COL7A1: variants seen among roughly 807,000 people sequenced by gnomAD.
COL7A1 encodes the protein collagen type VII alpha 1 chain, also known as collagen alpha-1(VII) chain.
COL7A1 carries 296 observed loss-of-function variants against 456.2 expected under a neutral mutation model. The observed-to-expected ratio is 0.65, with a 90% confidence interval of 0.59 to 0.71. The LOEUF is 0.71. Among genes scored for constraint, COL7A1 ranks in the 30% least tolerant of loss-of-function variants. The pLI is 0.00. For missense variants in COL7A1, 3,441 were observed against 4,017.2 expected (o/e 0.86, Z 3.88); for synonymous variants, 1,464 against 1,525.9 (o/e 0.96, Z 0.95).
chr3:48,585,177 G>T lies in COL7A1; in HGVS notation c.3895-61C>A. Reference sequence around the variant, plus strand: ...CTCCCCCAAGGCCCCTGGTTTGCTGGAGGGGCCTCACCCCATCAACAAGGG... The same window carrying T: ...CTCCCCCAAGGCCCCTGGTTTGCTGTAGGGGCCTCACCCCATCAACAAGGG... On this transcript the variant is annotated intron_variant, in intron 32 of 118. Coordinates refer to ENST00000681320, the MANE Select transcript of COL7A1 (RefSeq NM_000094.4). The surrounding 1 kb of genome is among the most constrained non-coding windows in gnomAD (Gnocchi z 4.5). 1 of 1,546,064 alleles carries T rather than the reference G, an allele frequency of 6.5e-7. No individual in the cohort carries two copies. The highest frequency in any genetic ancestry group is 8.8e-7 in the Non-Finnish European group (1 of 1,130,134).
rs2045294195 is a variant in COL7A1, at chr3:48,586,738, TG to T, written c.3277-50del. On this transcript the variant is annotated intron_variant, in intron 25 of 118. Coordinates refer to ENST00000681320, the MANE Select transcript of COL7A1 (RefSeq NM_000094.4). This position sits in a 1 kb window ranked among gnomAD's most constrained non-coding sequence, Gnocchi z 5.1. ...CCTGAGGAGGATGACAGAGCAGGGA[TG>T]GGGGTGCACAGAGCCTGGAGAAACA... 1 of 1,551,564 alleles carries T rather than the reference TG, an allele frequency of 6.4e-7. No homozygotes were observed. The highest frequency in any genetic ancestry group is 8.7e-7 in the Non-Finnish European group (1 of 1,146,916).
chr3:48,568,240 G>T lies in COL7A1; in HGVS notation c.7795-70C>A. ...GGACCAAAGAGAATCGCCCTGGATA[G>T]TGGGTAGGGAACACCATGGGGTGGG... On this transcript the variant is annotated intron_variant, in intron 105 of 118. Coordinates refer to ENST00000681320, the MANE Select transcript of COL7A1 (RefSeq NM_000094.4). The surrounding 1 kb of genome is among the most constrained non-coding windows in gnomAD (Gnocchi z 5.2). 6.5e-7 allele frequency: 1 copy of T among 1,547,872 alleles called. No homozygotes were observed. The highest frequency in any genetic ancestry group is 8.9e-7 in the Non-Finnish European group (1 of 1,128,770).
chr3:48,567,684 C>T lies in COL7A1; in HGVS notation c.7983+26G>A. The stretch of plus-strand genomic sequence containing the variant: ...TTGGCCCCCGTCCACCCGTGGCCCC[C>T]TCATTCTGAGCGTGCCCACACTCAC... On this transcript the variant is annotated intron_variant, in intron 108 of 118. Coordinates refer to ENST00000681320, the MANE Select transcript of COL7A1 (RefSeq NM_000094.4). This position sits in a 1 kb window ranked among gnomAD's most constrained non-coding sequence, Gnocchi z 4.3. 6.2e-7 allele frequency: 1 copy of T among 1,614,122 alleles called. No homozygotes were observed. Among genetic ancestry groups the T allele is most frequent in the Non-Finnish European group, 8.5e-7 (1 of 1,180,022 alleles).
At position 48,579,044 on chromosome 3, in the gene COL7A1, C is replaced by A. The variant is rs2107695580; in HGVS notation, c.5389-90G>T. Reference sequence around the variant, plus strand: ...CTAAGGCCTGCATGGCAAGAACATGCCCCACCCAGGCAGGGCTCTGGGAGA... The same window carrying A: ...CTAAGGCCTGCATGGCAAGAACATGACCCACCCAGGCAGGGCTCTGGGAGA... On this transcript the variant is annotated intron_variant, in intron 62 of 118. Coordinates refer to ENST00000681320, the MANE Select transcript of COL7A1 (RefSeq NM_000094.4). The surrounding 1 kb of genome is among the most constrained non-coding windows in gnomAD (Gnocchi z 4.4). 2.5e-6 allele frequency: 4 copies of A among 1,579,502 alleles called. No homozygotes were observed. The highest frequency in any genetic ancestry group is 3.5e-6 in the Non-Finnish European group (4 of 1,149,842).
At position 48,586,439 on chromosome 3, in the gene COL7A1, G is replaced by A; in HGVS notation, c.3443C>T (p.Pro1148Leu). Residue 1148 changes from proline (P) to leucine (L), a missense_variant, in exon 27 of 119, where the codon CCA (proline) becomes CTA (leucine). Physicochemically the swap from Pro to Leu is moderately conservative, Grantham distance 98. Coordinates refer to ENST00000681320, the MANE Select transcript of COL7A1 (RefSeq NM_000094.4). This position sits in a 1 kb window ranked among gnomAD's most constrained non-coding sequence, Gnocchi z 5.1. ...GTGCTGGCGGCGCCCAGGAGCATCT[G>A]GTGCCAACATGTATCTGTGAGCTGT... Reference protein sequence around the residue: ...VVTAHRYMLAPDAPGRRQHVP... With the variant: ...VVTAHRYMLALDAPGRRQHVP... 1 of 1,613,840 alleles carries A rather than the reference G, an allele frequency of 6.2e-7. No individual in the cohort carries two copies. Among genetic ancestry groups the A allele is most frequent in the Non-Finnish European group, 8.5e-7 (1 of 1,180,038 alleles).
In COL7A1 at chr3:48,568,254, C is replaced by A; in HGVS notation, c.7795-84G>T. The A allele has an allele frequency of 6.7e-7, 1 of 1,496,964 alleles. No homozygotes were observed. Among genetic ancestry groups the A allele is most frequent in the Non-Finnish European group, 9.2e-7 (1 of 1,084,688 alleles). The allele number at this position is 1,496,964 out of a possible 1,614,324, so 92.7% of individuals were successfully genotyped here. ...CGCCCTGGATAGTGGGTAGGGAACA[C>A]CATGGGGTGGGAGTCACCTCTGGAG... On this transcript the variant is annotated intron_variant, in intron 105 of 118. Coordinates refer to ENST00000681320, the MANE Select transcript of COL7A1 (RefSeq NM_000094.4). The surrounding 1 kb of genome is among the most constrained non-coding windows in gnomAD (Gnocchi z 5.2).
Position 48,578,189 on chromosome 3 carries a change from G to A in COL7A1, c.5532+132C>T. 9.8e-7 allele frequency: 1 copy of A among 1,023,200 alleles called. No homozygotes were observed. Among genetic ancestry groups the A allele is most frequent in the Non-Finnish European group, 1.5e-6 (1 of 676,102 alleles). 63.4% of individuals were successfully genotyped at this position (1,023,200 alleles called of 1,614,324 possible). Reference sequence around the variant, plus strand: ...CAAAAAAAAAAAAACTATGTTTCTGGATGCATCTGTATGTCTGGGCCAGGA... The same window carrying A: ...CAAAAAAAAAAAAACTATGTTTCTGAATGCATCTGTATGTCTGGGCCAGGA... On this transcript the variant is annotated intron_variant, in intron 65 of 118. Transcript: ENST00000681320. The surrounding 1 kb of genome is among the most constrained non-coding windows in gnomAD (Gnocchi z 4.7).
intron 65 of COL7A1, among the ~76,000 whole-genome samples, chr3:48,577,237 C>T (rs149559132): frequency 6.6e-6 from 1 of 152,256 alleles, no homozygotes; most frequent in African/African-American, 2.4e-5. Context: ...CAACAGGCAA[C>T]TGCACACATG....
rs751535193 is a variant in COL7A1 at position 48,581,265 on chromosome 3, G to A, written c.4894C>T (p.Arg1632Ter). Reference protein sequence around the residue: ...GPPGPVGPRGRDGEVGEKGDE... With the variant: ...GPPGPVGPRG ...CCCCGACTCCAGCCTCTTACATCTC[G>A]TCCTCGGGGGCCAACAGGTCCTGGG... is the stretch of plus-strand genomic sequence containing the variant. The change falls in exon 52 of 119, where the codon CGA becomes TGA. Residue 1632 changes from arginine to a stop codon, truncating the protein, a stop_gained. Transcript: ENST00000681320. LOFTEE classifies it high-confidence loss of function. The surrounding 1 kb of genome is among the most constrained non-coding windows in gnomAD (Gnocchi z 5.8). 49 of 1,613,198 alleles carry A rather than the reference G, an allele frequency of 3.0e-5. No individual in the cohort carries two copies. The highest frequency in any genetic ancestry group is 4.0e-5 in the Non-Finnish European group (47 of 1,179,802).
At position 48,576,197 on chromosome 3, in the gene COL7A1, C is replaced by G. The variant is rs371822022; in HGVS notation, c.5820+52G>C. 39 of 1,610,956 alleles carry G rather than the reference C, an allele frequency of 2.4e-5. No individual in the cohort carries two copies. In the African/African-American group the frequency reaches 4.7e-4, roughly 19 times the overall value. ...CAAGGGGAAGGGGATGGCAAGGTGG[C>G]CCCAATGGGCATGCAAAACAGAGTC... On this transcript the variant is annotated intron_variant, in intron 71 of 118. Transcript: ENST00000681320.
Position 48,589,609 on chromosome 3 carries a change from G to T in COL7A1, c.2160C>A (p.His720Gln). The change falls in exon 17 of 119, where the codon CAC (histidine) becomes CAA (glutamine). Residue 720 changes from histidine (H) to glutamine (Q), a missense_variant. Transcript: ENST00000681320. Reference sequence around the variant, plus strand: ...AACCCCAGTCCCCACCGTGGGCTGAGTGCCAGGAAACCCTGTATCCTGTGG... The same window carrying T: ...AACCCCAGTCCCCACCGTGGGCTGATTGCCAGGAAACCCTGTATCCTGTGG... Reference protein sequence around the residue: ...PGATGYRVSWHSAHGPEKSQL... With the variant: ...PGATGYRVSWQSAHGPEKSQL... 6.2e-7 allele frequency: 1 copy of T among 1,613,554 alleles called. No individual in the cohort carries two copies. The highest frequency in any genetic ancestry group is 8.5e-7 in the Non-Finnish European group (1 of 1,179,968).
chr3:48,565,141 T>A lies in COL7A1; in HGVS notation c.8588A>T (p.Tyr2863Phe). 6.2e-7 allele frequency: 1 copy of A among 1,614,084 alleles called. No individual in the cohort carries two copies. Reference sequence around the variant, plus strand: ...ATCCCAAGGAGCTTCAGGGTCCTGGTACTCCTCCACAGAATACTCGGAGTA... The same window carrying A: ...ATCCCAAGGAGCTTCAGGGTCCTGGAACTCCTCCACAGAATACTCGGAGTA... ...SEYSEYSVEE[Y>F]QDPEAPWDSD... The change falls in exon 117 of 119, where the codon TAC (tyrosine) becomes TTC (phenylalanine). Residue 2863 changes from tyrosine (Y) to phenylalanine (F), a missense_variant. Tyr to Phe is a conservative substitution (Grantham distance 22). This residue lies in a region of COL7A1 where 2,084 missense variants were observed against 2,501.3 expected (regional missense o/e 0.83). Transcript: ENST00000681320. This position sits in a 1 kb window ranked among gnomAD's most constrained non-coding sequence, Gnocchi z 4.5.
In COL7A1 at chr3:48,587,728, G is replaced by A. The variant is rs1006640862; in HGVS notation, c.2857+65C>T. Reference sequence around the variant, plus strand: ...GGTACAGGAGGAGTCACTCAGAGTCGGGGTGCAGGAAGTCAGGGTGGGTCA... The same window carrying A: ...GGTACAGGAGGAGTCACTCAGAGTCAGGGTGCAGGAAGTCAGGGTGGGTCA... On this transcript the variant is annotated intron_variant, in intron 22 of 118. Transcript: ENST00000681320. The surrounding 1 kb of genome is among the most constrained non-coding windows in gnomAD (Gnocchi z 6.1). 9.4e-5 allele frequency: 152 copies of A among 1,611,470 alleles called. No homozygotes were observed. Among genetic ancestry groups the A allele is most frequent in the Admixed American group, 1.2e-4 (7 of 60,002 alleles).
rs1356226277 is a variant in COL7A1 at position 48,592,624 on chromosome 3, T to A, written c.922A>T (p.Ile308Phe). Residue 308 changes from isoleucine to phenylalanine, a missense_variant, in exon 8 of 119, where the codon ATT (isoleucine) becomes TTT (phenylalanine). Coordinates refer to ENST00000681320, the MANE Select transcript of COL7A1 (RefSeq NM_000094.4). This position sits in a 1 kb window ranked among gnomAD's most constrained non-coding sequence, Gnocchi z 7.6. ...RPLTEYQVTV[I>F]ALYANSIGEA... ...CCGATGCTGTTGGCGTAGAGGGCAA[T>A]CACAGTCACTTGGTACTCGGTCAGT... The A allele has an allele frequency of 3.1e-6, 5 of 1,613,836 alleles. No homozygotes were observed. In the African/African-American group the frequency reaches 6.7e-5, roughly 22 times the overall value.
chr3:48,584,652 T>C (rs377311375), intron 35 of COL7A1, 82 bp downstream of exon 35: 147 of 1,612,268 alleles, frequency 9.1e-5, no homozygotes, highest in Non-Finnish European at 1.2e-4. Flanking sequence ...ATTCGCGCCT[T>C]AGGCCCTGCA....
rs1183751600 is a variant in COL7A1 at position 48,571,095 on chromosome 3, A to G, written c.7164+6T>C. 1.2e-6 allele frequency: 2 copies of G among 1,613,730 alleles called. No individual in the cohort carries two copies. The highest frequency in any genetic ancestry group is 4.5e-5 in the East Asian group (2 of 44,844). ...CCCTACAACTGGTGATGGGGCATTG[A>G]CTTACCTTCACACCTGGAGGGCCAG... On this transcript the variant is annotated splice_donor_region_variant and intron_variant, in intron 94 of 118. Coordinates refer to ENST00000681320, the MANE Select transcript of COL7A1 (RefSeq NM_000094.4). This position sits in a 1 kb window ranked among gnomAD's most constrained non-coding sequence, Gnocchi z 4.6.
At position 48,585,719 on chromosome 3, in the gene COL7A1, C is replaced by A. The variant is rs1330092218; in HGVS notation, c.3802G>T (p.Val1268Phe). The A allele has an allele frequency of 6.2e-7, 1 of 1,614,048 alleles. No individual in the cohort carries two copies. Among genetic ancestry groups the A allele is most frequent in the Admixed American group, 1.7e-5 (1 of 60,032 alleles). Residue 1268 changes from valine (V) to phenylalanine (F), a missense_variant, in exon 31 of 119, where the codon GTT becomes TTT. By Grantham distance (50) the Val-to-Phe change is conservative. Coordinates refer to ENST00000681320, the MANE Select transcript of COL7A1 (RefSeq NM_000094.4). The surrounding 1 kb of genome is among the most constrained non-coding windows in gnomAD (Gnocchi z 4.5). ...EPGEMGLRGQ[V>F]GPPGDPGLPG... The stretch of plus-strand genomic sequence containing the variant: ...AGGCCAGGGTCGCCAGGAGGCCCAA[C>A]TTGTCCTCTCAGGCCCTAGGAAGGG...
Position 48,576,634 on chromosome 3 carries a change from C to A in COL7A1, c.5700+42G>T, listed in dbSNP as rs373316341. 7 of 1,591,426 alleles carry A rather than the reference C, an allele frequency of 4.4e-6. No homozygotes were observed. In the African/African-American group the frequency reaches 6.7e-5, roughly 15 times the overall value. On this transcript the variant is annotated intron_variant, in intron 68 of 118. Coordinates refer to ENST00000681320, the MANE Select transcript of COL7A1 (RefSeq NM_000094.4). The stretch of plus-strand genomic sequence containing the variant: ...AGGGTTGCCCATTGAAACATCATGG[C>A]TTCTAATGCTCTGAAGTCCCAGAAT...
rs904649470 is a variant in COL7A1, at chr3:48,588,329, TCCCAGCGCAGCCTCAGCGAGTGCTC to T, written c.2638_2662del (p.Glu880SerfsTer45). 1 of 1,612,762 alleles carries T rather than the reference TCCCAGCGCAGCCTCAGCGAGTGCTC, an allele frequency of 6.2e-7. No homozygotes were observed. Among genetic ancestry groups the T allele is most frequent in the Non-Finnish European group, 8.5e-7 (1 of 1,179,974 alleles). On this transcript the variant is annotated frameshift_variant, in exon 21 of 119. Transcript: ENST00000681320. LOFTEE classifies it high-confidence loss of function. The surrounding 1 kb of genome is among the most constrained non-coding windows in gnomAD (Gnocchi z 4.6). ...GAAGCCCTGCGCTCTGGGCACCGGC[TCCCAGCGCAGCCTCAGCGAGTGCTC>T]CCCGCGCTGCACCACGTGAAGCGTC...
Sources: allele counts gnomAD v4.1 joint callset (sites outside exome capture counted in the v4.1 genomes callset), GRCh38; gene constraint gnomAD v4.1.1; regional missense constraint gnomAD v4.1.1; non-coding constraint Gnocchi (gnomAD v3.1); transcripts MANE v1.5; gene names NCBI Gene and HGNC (gene_info 2026-07-23, HGNC 2026-07-21).